Variants in TDRD3 observed in about 807,000 individuals in gnomAD.
The protein encoded by TDRD3 is tudor domain containing 3.
A neutral mutation model predicts 86.7 loss-of-function variants in TDRD3; 45 were observed. That is an observed-to-expected ratio of 0.52 (90% CI 0.41 to 0.67). The LOEUF is 0.67. Ranked by LOEUF, TDRD3 falls within the 30% of genes least tolerant of loss-of-function variation. TDRD3 has a pLI of 0.00. For missense variants in TDRD3, 814 were observed against 889.0 expected (o/e 0.92, Z 1.07); for synonymous variants, 298 against 301.7 (o/e 0.99, Z 0.13).
At chr13:60,455,411 C>T (rs1955643595) in intron 3 of TDRD3, among the ~76,000 whole-genome samples, 1 of 152,022 alleles carries the variant, frequency 6.6e-6, no homozygotes, top group East Asian at 1.9e-4. Flanking sequence ...GGCAATGGGC[C>T]TTAAGGTAAA....
intron 12 of TDRD3, among the ~76,000 whole-genome samples, chr13:60,553,481 C>A (rs1359997403): frequency 6.6e-6 from 1 of 151,796 alleles, no homozygotes; most frequent in Non-Finnish European, 1.5e-5. Context: ...TCTGCTGGTA[C>A]CAATTCTCTG....
chr13:60,427,032 A>T (rs959549368), intron 1 of TDRD3, among the ~76,000 whole-genome samples: 1 of 152,190 alleles, frequency 6.6e-6, no homozygotes, highest in African/African-American at 2.4e-5. Flanking sequence ...TTTGTATATT[A>T]AAAAATATGT....
Position 60,430,651 on chromosome 13 carries a change from A to G in TDRD3, c.42-9037A>G, listed in dbSNP as rs554111439. ...AGATGAATAACAACATAGTTAGGTTACCATTGCCACTATACTATGTAATAT... is the reference window on the plus strand; with the variant it reads ...AGATGAATAACAACATAGTTAGGTTGCCATTGCCACTATACTATGTAATAT... On this transcript the variant is annotated intron_variant, in intron 1 of 13. Coordinates refer to ENST00000377881, the MANE Select transcript of TDRD3 (RefSeq NM_001146070.2). Among the ~76,000 whole-genome samples the G allele has an allele frequency of 7.2e-5, 11 of 152,254 alleles. No individual in the cohort carries two copies. In the South Asian group the frequency reaches 2.3e-3, roughly 32 times the overall value.
chr13:60,544,456 A>G (rs9538743), intron 12 of TDRD3, among the ~76,000 whole-genome samples: 21,351 of 150,304 alleles, frequency 0.14, 1,942 homozygotes, highest in South Asian at 0.28. Context: ...AAAAAAAAAA[A>G]AAAGAAAGAA....
chr13:60,423,684 A>C (rs1174974806), intron 1 of TDRD3, among the ~76,000 whole-genome samples: 1 of 152,190 alleles, frequency 6.6e-6, no homozygotes, highest in African/African-American at 2.4e-5. Context: ...AACTTTTTAA[A>C]AAGTATTTTA....
At chr13:60,416,884 C>A (rs1017245080) in intron 1 of TDRD3, among the ~76,000 whole-genome samples, 1 of 152,144 alleles carries the variant, frequency 6.6e-6, no homozygotes, top group Non-Finnish European at 1.5e-5. Context: ...CCTTTCTCAT[C>A]ATTCGTTGTC....
chr13:60,447,773 A>C (rs1477530502), intron 3 of TDRD3, among the ~76,000 whole-genome samples: 1 of 152,154 alleles, frequency 6.6e-6, no homozygotes, highest in Non-Finnish European at 1.5e-5. Flanking sequence ...CATTTCTGAG[A>C]GAGAAAGCCA....
chr13:60,513,658 A>G (rs942754556), intron 10 of TDRD3, among the ~76,000 whole-genome samples: 40 of 152,084 alleles, frequency 2.6e-4, no homozygotes, highest in African/African-American at 9.2e-4. Context: ...CTTTCCCGAG[A>G]TGTTCTTGTG....
intron 12 of TDRD3, among the ~76,000 whole-genome samples, chr13:60,551,786 T>C (rs547214313): frequency 6.6e-6 from 1 of 152,076 alleles, no homozygotes; most frequent in African/African-American, 2.4e-5. Context: ...ACTTACAATA[T>C]GGTAAAAGGT....
intron 1 of TDRD3, among the ~76,000 whole-genome samples, chr13:60,413,349 T>C (rs536054075): frequency 1.3e-4 from 20 of 152,320 alleles, no homozygotes; most frequent in South Asian, 2.1e-4. Flanking sequence ...AGAAGCTGTA[T>C]GGCTGGTGTT....
At chr13:60,513,672 G>A (rs192517320) in intron 10 of TDRD3, among the ~76,000 whole-genome samples, 96 of 152,284 alleles carry the variant, frequency 6.3e-4, no homozygotes, top group African/African-American at 2.2e-3. Context: ...TCTTGTGATA[G>A]TGTAAGTCTC....
intron 12 of TDRD3, among the ~76,000 whole-genome samples, chr13:60,558,479 C>G (rs907308796): frequency 6.6e-6 from 1 of 152,128 alleles, no homozygotes; most frequent in African/African-American, 2.4e-5. Flanking sequence ...GAAAACATAT[C>G]AATAGGCATA....
chr13:60,429,291 T>C (rs1455827845), intron 1 of TDRD3, among the ~76,000 whole-genome samples: 3 of 152,198 alleles, frequency 2.0e-5, no homozygotes, highest in Admixed American at 2.0e-4. Context: ...GTAAGACATA[T>C]GATTGCATAT....
intron 1 of TDRD3, among the ~76,000 whole-genome samples, chr13:60,427,894 G>T (rs577072491): frequency 6.6e-6 from 1 of 152,108 alleles, no homozygotes; most frequent in African/African-American, 2.4e-5. Flanking sequence ...TTTATTTCCT[G>T]TGGCTGCGGT....
intron 1 of TDRD3, among the ~76,000 whole-genome samples, chr13:60,405,489 G>A (rs758833380): frequency 2.6e-5 from 4 of 152,150 alleles, no homozygotes; most frequent in African/African-American, 9.7e-5. Context: ...AGGGGAGTTC[G>A]TGTTTTCATG....
chr13:60,537,609 C>T (rs1595087088), intron 12 of TDRD3: 1 of 151,976 alleles, frequency 6.6e-6, no homozygotes, highest in Admixed American at 6.6e-5. Context: ...AAAACATTCA[C>T]TGTACCAATA....
At chr13:60,485,758 T>C (rs1220260795) in intron 6 of TDRD3, 41 bp from the exon 7 acceptor site, 7 of 1,465,022 alleles carry the variant, frequency 4.8e-6, no homozygotes. Flanking sequence ...TGAATCTCTT[T>C]TGGAACTACT....
chr13:60,436,496 GC>G (rs1281823295), intron 1 of TDRD3, among the ~76,000 whole-genome samples: 2 of 151,980 alleles, frequency 1.3e-5, no homozygotes, highest in African/African-American at 4.8e-5. Context: ...CATGTGGCTT[GC>G]CAGTTTTCCC....
intron 8 of TDRD3, among the ~76,000 whole-genome samples, chr13:60,496,588 G>A (rs1332315717): frequency 6.6e-6 from 1 of 151,790 alleles, no homozygotes; most frequent in Non-Finnish European, 1.5e-5. Context: ...TACTGTTTTT[G>A]ATTCATCACT....
Sources: gnomAD v4.1 joint callset for allele counts (sites outside exome capture counted in the v4.1 genomes callset) on GRCh38, gnomAD v4.1.1 for gene constraint, MANE v1.5 for transcripts, NCBI Gene and HGNC (gene_info 2026-07-23, HGNC 2026-07-21) for gene names.